The following MDN1 variants were observed in gnomAD, a reference collection of about 807,000 sequenced individuals.
MDN1 encodes the protein midasin AAA ATPase 1, also known as midasin.
A neutral mutation model predicts 669.2 loss-of-function variants in MDN1; 266 were observed. That is an observed-to-expected ratio of 0.40 (90% confidence interval 0.36 to 0.44). The LOEUF is 0.44. Ranked by LOEUF, MDN1 falls within the 20% of genes least tolerant of loss-of-function variation. The probability of loss-of-function intolerance (pLI) is 1.00; values close to 1 mark genes in which losing one functional copy is unlikely to be tolerated. For synonymous variants in MDN1, 2,385 were observed against 2,457.1 expected (o/e 0.97, Z 0.87); for missense variants, 5,940 against 6,754.0 (o/e 0.88, Z 4.22).
chr6:89,686,095 C>T (rs1230007771), intron 69 of MDN1, 122 bp from the exon 70 acceptor site: 2 of 953,886 alleles, frequency 2.1e-6, no homozygotes, highest in African/African-American at 3.3e-5. Flanking sequence ...CAATGTGAAG[C>T]TCTCAAGCAA....
chr6:89,790,365 C>T lies in MDN1; in HGVS notation c.892G>A (p.Ala298Thr). Residue 298 changes from alanine to threonine, a missense_variant, in exon 6 of 102, where the codon GCC becomes ACC. Around this residue, in one of 5 missense-constraint regions of MDN1, gnomAD observed 1,203 missense variants for 1,268.9 expected, o/e 0.95. Transcript: ENST00000369393. ...NRSSSREQEL[A>T]LRSYVLVESV... ...TCAACCAGCACATAAGACCTAAGGGCCAGCTCCTGTTCACGTGAAGAACTC... is the reference window on the plus strand; with the variant it reads ...TCAACCAGCACATAAGACCTAAGGGTCAGCTCCTGTTCACGTGAAGAACTC... 6.2e-7 allele frequency: 1 copy of T among 1,613,970 alleles called. No homozygotes were observed. The highest frequency in any genetic ancestry group is 8.5e-7 in the Non-Finnish European group (1 of 1,179,996).
intron 34 of MDN1, 53 bp downstream of exon 34, chr6:89,732,504 C>T (rs1388317297): frequency 7.2e-6 from 11 of 1,518,862 alleles, no homozygotes; most frequent in Non-Finnish European, 1.0e-5. Flanking sequence ...TGCTCCTTTT[C>T]CTATGCCCCT....
Position 89,706,044 on chromosome 6 carries a change from G to C in MDN1, c.8148+15C>G, listed in dbSNP as rs1350344893. ...ATTTTGTTGTTTAAAAATAAAACAA[G>C]ATGCAGTTCCTTACCTCATTGGCAC... On this transcript the variant is annotated intron_variant, in intron 53 of 101. Coordinates refer to ENST00000369393, the MANE Select transcript of MDN1 (RefSeq NM_014611.3). The C allele has an allele frequency of 1.9e-6, 3 of 1,544,754 alleles. No individual in the cohort carries two copies. In the South Asian group the frequency reaches 3.7e-5, roughly 19 times the overall value.
chr6:89,733,816 T>C (rs1448226157), intron 33 of MDN1, among the ~76,000 whole-genome samples: 1 of 152,044 alleles, frequency 6.6e-6, no homozygotes, highest in Non-Finnish European at 1.5e-5. Context: ...AAAAAATCCA[T>C]TAATAGAAAT....
At chr6:89,675,257 C>G in intron 78 of MDN1, 2 of 548,944 alleles carry the variant, frequency 3.6e-6, no homozygotes, top group Non-Finnish European at 6.5e-6. Context: ...TCAGGAGGTT[C>G]AGAGCACGGA....
intron 38 of MDN1, among the ~76,000 whole-genome samples, 164 bp downstream of exon 38, chr6:89,725,035 T>C (rs1271557233): frequency 6.6e-6 from 1 of 152,096 alleles, no homozygotes; most frequent in East Asian, 1.9e-4. Flanking sequence ...ACAGAAGCAA[T>C]GATGGGAATC....
At chr6:89,675,286 G>A in intron 78 of MDN1, 178 bp downstream of exon 78, 2 of 587,892 alleles carry the variant, frequency 3.4e-6, no homozygotes, top group Non-Finnish European at 3.0e-6. Context: ...GACACTAGAG[G>A]CATATCACTG....
At chr6:89,813,183 G>A (rs933118192) in intron 1 of MDN1, among the ~76,000 whole-genome samples, 1 of 152,122 alleles carries the variant, frequency 6.6e-6, no homozygotes, top group African/African-American at 2.4e-5. Flanking sequence ...CAGGTGATCT[G>A]CCCACCTCGG....
rs1200197552 is a variant in MDN1 at position 89,732,113 on chromosome 6, C to G, written c.4942+444G>C. ...AATAAAGGCTCTCGTGCCCTTTGTTCAAGTGTACTCTCATGGCAACTGGCC... is the reference window on the plus strand; with the variant it reads ...AATAAAGGCTCTCGTGCCCTTTGTTGAAGTGTACTCTCATGGCAACTGGCC... On this transcript the variant is annotated intron_variant, in intron 34 of 101. Transcript: ENST00000369393. Among the ~76,000 whole-genome samples the G allele has an allele frequency of 3.9e-5, 6 of 152,088 alleles. No homozygotes were observed. In the East Asian group the frequency reaches 1.2e-3, roughly 29 times the overall value.
intron 63 of MDN1, among the ~76,000 whole-genome samples, chr6:89,692,226 G>A (rs1029338515): frequency 6.6e-6 from 1 of 152,134 alleles, no homozygotes; most frequent in African/African-American, 2.4e-5. Context: ...TATAATAAAG[G>A]CCGCTCTCAT....
intron 35 of MDN1, 90 bp downstream of exon 35, chr6:89,730,636 A>C: frequency 1.1e-6 from 1 of 947,614 alleles, no homozygotes; most frequent in Non-Finnish European, 1.6e-6. Context: ...TATAATCATG[A>C]GTATTACACA....
intron 23 of MDN1, among the ~76,000 whole-genome samples, chr6:89,750,989 T>C (rs72915969): frequency 0.14 from 20,772 of 151,864 alleles, 1,868 homozygotes; most frequent in Non-Finnish European, 0.2. Context: ...TCCTTTTTTT[T>C]CCCCTTTTTA....
intron 23 of MDN1, among the ~76,000 whole-genome samples, chr6:89,751,099 A>G (rs1413490875): frequency 6.6e-6 from 1 of 152,178 alleles, no homozygotes; most frequent in Non-Finnish European, 1.5e-5. Context: ...AAGGAAAGCA[A>G]TTCCAACTAT....
chr6:89,780,152 C>T, intron 11 of MDN1, 60 bp downstream of exon 11: 2 of 892,444 alleles, frequency 2.2e-6, no homozygotes, highest in Admixed American at 2.7e-5. Flanking sequence ...CAGAAAATAA[C>T]AACGGAAGTC....
chr6:89,755,689 G>T (rs557829665), intron 20 of MDN1, among the ~76,000 whole-genome samples: 1 of 152,148 alleles, frequency 6.6e-6, no homozygotes, highest in African/African-American at 2.4e-5. Flanking sequence ...TTAAGTTACT[G>T]GCCCAGAATG....
In MDN1 at chr6:89,741,336, TA is replaced by T. The variant is rs935000402; in HGVS notation, c.4449-959del. Among the ~76,000 whole-genome samples, 186 of 151,128 alleles carry T rather than the reference TA, an allele frequency of 1.2e-3. 2 individuals are homozygous for T. The highest frequency in any genetic ancestry group is 4.4e-3 in the African/African-American group (182 of 41,232). On this transcript the variant is annotated intron_variant, in intron 31 of 101. Transcript: ENST00000369393. Reference sequence around the variant, plus strand: ...AAAGTCTAACAAAAAGTTATGACAGTAAAAAAAAACACAAAAACCTGTCCTA... The same window carrying T: ...AAAGTCTAACAAAAAGTTATGACAGTAAAAAAAACACAAAAACCTGTCCTA...
At chr6:89,737,424 A>G (rs921807682) in intron 33 of MDN1, among the ~76,000 whole-genome samples, 2 of 152,212 alleles carry the variant, frequency 1.3e-5, no homozygotes, top group African/African-American at 4.8e-5. Context: ...ATAAAAAATG[A>G]TCCAAAAAAC....
intron 15 of MDN1, among the ~76,000 whole-genome samples, chr6:89,764,342 C>A (rs1394690639): frequency 1.3e-5 from 2 of 152,166 alleles, no homozygotes; most frequent in Non-Finnish European, 2.9e-5. Flanking sequence ...CGGTGGCTCA[C>A]ACCTGTTAAT....
At chr6:89,815,434 G>A (rs935168701) in intron 1 of MDN1, 5 of 351,348 alleles carry the variant, frequency 1.4e-5, no homozygotes, top group African/African-American at 8.7e-5. Context: ...CCAAGGCTTC[G>A]TACCCCAGAA....
Sources: allele counts gnomAD v4.1 joint callset (sites outside exome capture counted in the v4.1 genomes callset), GRCh38; gene constraint gnomAD v4.1.1; regional missense constraint gnomAD v4.1.1; transcripts MANE v1.5; gene names NCBI Gene and HGNC (gene_info 2026-07-23, HGNC 2026-07-21).